XKR9: variants seen among roughly 807,000 people sequenced by gnomAD.
XKR9 encodes XK-related protein 9.
XKR9 carries 32 observed loss-of-function variants against 32.0 expected under a neutral mutation model. The ratio of observed to expected loss-of-function variants is 1.00; its 90% confidence interval spans 0.76 to 1.34. The LOEUF (loss-of-function observed/expected upper bound fraction) is 1.34, where lower values mean the gene tolerates loss of function less well. Ranked by LOEUF, XKR9 falls within the 40% of genes most tolerant of loss-of-function variation. The pLI, the probability that XKR9 is intolerant of heterozygous loss-of-function variation, is 0.00. For missense variants in XKR9, 546 were observed against 429.7 expected (o/e 1.27, Z -2.39); for synonymous variants, 168 against 143.4 (o/e 1.17, Z -1.22).
chr8:70,769,914 T>C (rs964890195), intron 2 of XKR9, among the ~76,000 whole-genome samples: 2 of 152,062 alleles, frequency 1.3e-5, no homozygotes, highest in African/African-American at 4.8e-5. Flanking sequence ...AGTTTGGTAT[T>C]ACCCACCTTC....
the XKR9 span, among the ~76,000 whole-genome samples, chr8:70,825,005 A>C: frequency 1.3e-5 from 2 of 152,178 alleles, no homozygotes; most frequent in African/African-American, 4.8e-5. Flanking sequence ...TAAAATGTTC[A>C]GTGTAGTTTC....
At chr8:70,717,776 A>G (rs1806141303) in intron 4 of XKR9, among the ~76,000 whole-genome samples, 1 of 152,166 alleles carries the variant, frequency 6.6e-6, no homozygotes, top group South Asian at 2.1e-4. Context: ...GTGGGCTTGA[A>G]TGTCTGCTCA....
At chr8:70,764,162 T>G (rs569589632) in intron 2 of XKR9, among the ~76,000 whole-genome samples, 1 of 152,296 alleles carries the variant, frequency 6.6e-6, no homozygotes, top group East Asian at 1.9e-4. Context: ...TGGAAAACTT[T>G]AGGTTTACTC....
intron 4 of XKR9, among the ~76,000 whole-genome samples, chr8:70,717,183 C>G (rs965417821): frequency 2.0e-5 from 3 of 152,170 alleles, no homozygotes; most frequent in Non-Finnish European, 4.4e-5. Flanking sequence ...GTGGTTTTCC[C>G]AGGTGCACTG....
At chr8:70,738,919 T>C (rs1806912585), downstream of XKR9, among the ~76,000 whole-genome samples, 1 of 152,214 alleles carries the variant, frequency 6.6e-6, no homozygotes, top group Non-Finnish European at 1.5e-5. Flanking sequence ...ATAGGTGTGG[T>C]GTGGTACTGA....
chr8:70,855,554 C>T, the XKR9 span, among the ~76,000 whole-genome samples: 1 of 152,222 alleles, frequency 6.6e-6, no homozygotes, highest in Non-Finnish European at 1.5e-5. Context: ...AAACACTCTG[C>T]AGGATATTAT....
At chr8:71,050,260 TAGATAGATAG>T in the XKR9 span, among the ~76,000 whole-genome samples, 240 of 107,906 alleles carry the variant, frequency 2.2e-3, 1 homozygote, top group South Asian at 7.0e-3. Flanking sequence ...TATATATATA[TAGATAGATAG>T]ATAGATATAG....
the XKR9 span, among the ~76,000 whole-genome samples, chr8:70,914,335 A>G: frequency 6.6e-6 from 1 of 152,232 alleles, no homozygotes. Flanking sequence ...TAGTGGCACC[A>G]ATTTACATAT....
the XKR9 span, among the ~76,000 whole-genome samples, chr8:70,893,395 C>T: frequency 7.2e-5 from 11 of 152,122 alleles, no homozygotes; most frequent in South Asian, 8.3e-4. Flanking sequence ...CTGGTGCTGT[C>T]ATATTTCCTT....
chr8:70,742,036 G>A (rs1025637435), intron 2 of XKR9, among the ~76,000 whole-genome samples: 2 of 149,042 alleles, frequency 1.3e-5, no homozygotes, highest in Admixed American at 1.3e-4. Context: ...GTTTTTATTT[G>A]GATTTCTTTA....
At chr8:70,997,248 GAT>G in the XKR9 span, among the ~76,000 whole-genome samples, 2 of 151,824 alleles carry the variant, frequency 1.3e-5, no homozygotes, top group Non-Finnish European at 2.9e-5. Flanking sequence ...AGTGAGCTGA[GAT>G]TGCGCCACTG....
the XKR9 span, among the ~76,000 whole-genome samples, chr8:70,876,120 C>T: frequency 6.6e-6 from 1 of 152,096 alleles, no homozygotes; most frequent in Non-Finnish European, 1.5e-5. Context: ...ACTATTTTTA[C>T]TGCCTGAACT....
At chr8:70,670,053 A>G (rs1818656573) in intron 1 of XKR9, among the ~76,000 whole-genome samples, 1 of 152,132 alleles carries the variant, frequency 6.6e-6, no homozygotes, top group Non-Finnish European at 1.5e-5. Context: ...CAAACATCCG[A>G]CTTAACGCCC....
the XKR9 span, among the ~76,000 whole-genome samples, chr8:71,020,381 G>A: frequency 1.3e-5 from 2 of 152,078 alleles, no homozygotes; most frequent in African/African-American, 4.8e-5. Context: ...CAATAGCCGT[G>A]GTTCAAAAGA....
At chr8:71,031,595 G>A in the XKR9 span, among the ~76,000 whole-genome samples, 2 of 152,154 alleles carry the variant, frequency 1.3e-5, no homozygotes, top group Non-Finnish European at 2.9e-5. Flanking sequence ...TCACATATTA[G>A]ACATTAGTAA....
intron 2 of XKR9, among the ~76,000 whole-genome samples, chr8:70,768,285 A>G (rs1420161849): frequency 1.3e-5 from 2 of 152,130 alleles, no homozygotes; most frequent in Non-Finnish European, 2.9e-5. Context: ...GGTCTGAGAG[A>G]CTGTTTGTTA....
At chr8:70,918,002 A>G in the XKR9 span, among the ~76,000 whole-genome samples, 1 of 152,238 alleles carries the variant, frequency 6.6e-6, no homozygotes, top group South Asian at 2.1e-4. Context: ...TAAGGATAGT[A>G]TAGATAATTA....
chr8:71,061,274 G>T, the XKR9 span, among the ~76,000 whole-genome samples: 1 of 152,122 alleles, frequency 6.6e-6, no homozygotes, highest in Admixed American at 6.6e-5. Flanking sequence ...TATTCCCATA[G>T]AGACAGAAGT....
At chr8:70,960,492 C>G in the XKR9 span, among the ~76,000 whole-genome samples, 1 of 152,150 alleles carries the variant, frequency 6.6e-6, no homozygotes, top group South Asian at 2.1e-4. Context: ...ATTTCTGTGA[C>G]TTTGCTGAAT....
Sources: allele counts gnomAD v4.1 joint callset (sites outside exome capture counted in the v4.1 genomes callset), GRCh38; gene constraint gnomAD v4.1.1; transcripts MANE v1.5; gene names NCBI Gene and HGNC (gene_info 2026-07-23, HGNC 2026-07-21).